Variants in XKR6 observed in about 807,000 individuals in gnomAD.
The protein encoded by XKR6 is XK related 6.
Under a neutral mutation model 56.7 loss-of-function variants are expected in XKR6, and 22 were observed. The observed-to-expected ratio is 0.39, with a 90% confidence interval of 0.28 to 0.55. The LOEUF (loss-of-function observed/expected upper bound fraction) is 0.55, where lower values mean the gene tolerates loss of function less well. Ranked by LOEUF, XKR6 falls within the 20% of genes least tolerant of loss-of-function variation. The probability of loss-of-function intolerance (pLI) is 0.66; values close to 1 mark genes in which losing one functional copy is unlikely to be tolerated. For synonymous variants in XKR6, 524 were observed against 387.8 expected (o/e 1.35, Z -4.13); for missense variants, 852 against 889.0 (o/e 0.96, Z 0.53).
intron 1 of XKR6, among the ~76,000 whole-genome samples, chr8:11,059,675 T>TGCGGCGGGCGCGGGGCGGGACAGGC (rs1799781605): frequency 1.6e-5 from 2 of 125,366 alleles, no homozygotes; most frequent in African/African-American, 8.9e-5. Flanking sequence ...GCGGGACAGG[T>TGCGGCGGGCGCGGGGCGGGACAGGC]GCGGCGGGCG....
intron 1 of XKR6, among the ~76,000 whole-genome samples, chr8:10,975,808 CTT>C (rs1586379314): frequency 6.6e-6 from 1 of 152,212 alleles, no homozygotes; most frequent in Non-Finnish European, 1.5e-5. Context: ...TGTAGGGAGA[CTT>C]GGGTTCAGAT....
At chr8:11,083,172 C>T (rs906609458) in intron 1 of XKR6, among the ~76,000 whole-genome samples, 2 of 152,188 alleles carry the variant, frequency 1.3e-5, no homozygotes, top group Non-Finnish European at 2.9e-5. Context: ...TCAAAGTGCC[C>T]GTGGGGCTCC....
At chr8:10,957,733 G>A (rs563271824) in intron 1 of XKR6, among the ~76,000 whole-genome samples, 75 of 152,214 alleles carry the variant, frequency 4.9e-4, no homozygotes, top group African/African-American at 1.7e-3. Flanking sequence ...ACCAATGGGG[G>A]ACCTCTCCTC....
At chr8:11,166,257 T>C (rs1752118097) in intron 1 of XKR6, among the ~76,000 whole-genome samples, 1 of 152,186 alleles carries the variant, frequency 6.6e-6, no homozygotes, top group Admixed American at 6.5e-5. Flanking sequence ...ATAAACCAAA[T>C]CATATTTATC....
chr8:10,938,397 G>C (rs1331342772), intron 1 of XKR6, among the ~76,000 whole-genome samples: 2 of 152,230 alleles, frequency 1.3e-5, no homozygotes, highest in African/African-American at 4.8e-5. Context: ...GAGCGGAGCT[G>C]TTCCTATTCG....
intron 1 of XKR6, among the ~76,000 whole-genome samples, chr8:10,991,329 C>T (rs1159138639): frequency 1.3e-5 from 2 of 152,144 alleles, no homozygotes; most frequent in East Asian, 1.9e-4. Flanking sequence ...TGTGACTCAG[C>T]CCAGTTCTCA....
At chr8:10,937,763 G>A (rs1315508394) in intron 1 of XKR6, among the ~76,000 whole-genome samples, 1 of 151,002 alleles carries the variant, frequency 6.6e-6, no homozygotes, top group Non-Finnish European at 1.5e-5. Context: ...CCCGTTCTCA[G>A]ATCTCCAGCT....
chr8:11,104,326 A>C (rs1187968851), intron 1 of XKR6, among the ~76,000 whole-genome samples: 1 of 152,214 alleles, frequency 6.6e-6, no homozygotes, highest in Non-Finnish European at 1.5e-5. Flanking sequence ...ATCAACCCCA[A>C]TTTTAAATAG....
Position 11,045,404 on chromosome 8 carries a change from G to C in XKR6, c.765-120574C>G, listed in dbSNP as rs557607486. ...TGCATGGCCTCAAGCCACTCTTAAA[G>C]ATATTAAATATATCAATCTGATTTT... is the stretch of plus-strand genomic sequence containing the variant. On this transcript the variant is annotated intron_variant, in intron 1 of 2. Coordinates refer to ENST00000416569, the MANE Select transcript of XKR6 (RefSeq NM_173683.4). Among the ~76,000 whole-genome samples the C allele has an allele frequency of 3.3e-5, 5 of 152,166 alleles. No individual in the cohort carries two copies. In the South Asian group the frequency reaches 8.3e-4, roughly 25 times the overall value.
chr8:11,130,226 T>C (rs1332240425), intron 1 of XKR6, among the ~76,000 whole-genome samples: 1 of 152,158 alleles, frequency 6.6e-6, no homozygotes, highest in East Asian at 1.9e-4. Flanking sequence ...GCACTCAGTT[T>C]ACAGTTTAAT....
chr8:10,942,408 C>G (rs575299246), intron 1 of XKR6, among the ~76,000 whole-genome samples: 2 of 152,350 alleles, frequency 1.3e-5, no homozygotes, highest in South Asian at 4.1e-4. Context: ...GAGTCCACAG[C>G]CAGCCTGGAT....
chr8:11,082,013 T>A (rs187629120), intron 1 of XKR6, among the ~76,000 whole-genome samples: 269 of 152,288 alleles, frequency 1.8e-3, no homozygotes, highest in Admixed American at 3.7e-3. Flanking sequence ...TGGAAGGAAG[T>A]GCATGCCCAA....
intron 1 of XKR6, among the ~76,000 whole-genome samples, chr8:11,094,274 T>A (rs759952993): frequency 2.0e-5 from 3 of 152,180 alleles, no homozygotes; most frequent in Non-Finnish European, 4.4e-5. Flanking sequence ...CTGCAACCTC[T>A]GTCTCCGGGG....
At chr8:11,019,508 ACAGGG>A (rs1235677320) in intron 1 of XKR6, among the ~76,000 whole-genome samples, 1 of 152,162 alleles carries the variant, frequency 6.6e-6, no homozygotes, top group Non-Finnish European at 1.5e-5. Context: ...GGGGATGGAG[ACAGGG>A]CAGCCTGGCC....
chr8:10,947,975 C>T (rs1234918095), intron 1 of XKR6, among the ~76,000 whole-genome samples: 1 of 152,162 alleles, frequency 6.6e-6, no homozygotes, highest in Non-Finnish European at 1.5e-5. Context: ...GTTGGGTAAG[C>T]AATGCCTTTC....
chr8:10,933,127 T>A (rs993924478), intron 1 of XKR6, among the ~76,000 whole-genome samples: 2 of 149,808 alleles, frequency 1.3e-5, no homozygotes, highest in African/African-American at 2.5e-5. Flanking sequence ...TGGTTTTGAT[T>A]TGCATTTCTC....
intron 1 of XKR6, among the ~76,000 whole-genome samples, chr8:11,062,022 T>C (rs1296700766): frequency 6.6e-6 from 1 of 152,020 alleles, no homozygotes; most frequent in Non-Finnish European, 1.5e-5. Context: ...GGCTCATACA[T>C]CCAGGGGAAA....
chr8:11,121,014 T>C (rs1799425538), intron 1 of XKR6, among the ~76,000 whole-genome samples: 1 of 152,178 alleles, frequency 6.6e-6, no homozygotes, highest in African/African-American at 2.4e-5. Flanking sequence ...ATCCCTTCCT[T>C]ACACCTTAGA....
chr8:11,028,335 A>G (rs142739602), intron 1 of XKR6, among the ~76,000 whole-genome samples: 142 of 152,324 alleles, frequency 9.3e-4, no homozygotes, highest in African/African-American at 3.2e-3. Flanking sequence ...CATGGATCAC[A>G]GTTTACCCGT....
Sources: allele counts gnomAD v4.1 joint callset (sites outside exome capture counted in the v4.1 genomes callset), GRCh38; gene constraint gnomAD v4.1.1; transcripts MANE v1.5; gene names NCBI Gene and HGNC (gene_info 2026-07-23, HGNC 2026-07-21).